Variants in MARK2 observed in about 807,000 individuals in gnomAD.
MARK2 encodes the protein serine/threonine-protein kinase MARK2.
Under a neutral mutation model 89.8 loss-of-function variants are expected in MARK2, and 16 were observed. That is an observed-to-expected ratio of 0.18 (90% CI 0.12 to 0.27). MARK2 has a LOEUF of 0.27. Ranked by LOEUF, MARK2 falls within the 10% of genes least tolerant of loss-of-function variation. The pLI is 1.00. For missense variants in MARK2, 621 were observed against 1,049.9 expected (o/e 0.59, Z 5.65); for synonymous variants, 382 against 399.5 (o/e 0.96, Z 0.52).
chr11:63,859,349 C>T (rs181597344), intron 1 of MARK2, among the ~76,000 whole-genome samples: 428 of 151,112 alleles, frequency 2.8e-3, no homozygotes, highest in African/African-American at 9.9e-3. Flanking sequence ...AGAAGGAGTC[C>T]TGCTCTGTCA....
intron 1 of MARK2, among the ~76,000 whole-genome samples, chr11:63,854,123 T>G (rs566125699): frequency 8.6e-5 from 13 of 152,014 alleles, no homozygotes; most frequent in African/African-American, 2.9e-4. Flanking sequence ...TCCACCTGCC[T>G]CGGCCTCCCA....
chr11:63,902,114 G>A lies in MARK2; in HGVS notation c.1102-84G>A, dbSNP rs1028814794. 3 of 1,477,192 alleles carry A rather than the reference G, an allele frequency of 2.0e-6. No homozygotes were observed. Among genetic ancestry groups the A allele is most frequent in the Non-Finnish European group, 2.8e-6 (3 of 1,073,054 alleles). The allele number at this position is 1,477,192 out of a possible 1,614,324, so 91.5% of individuals were successfully genotyped here. On this transcript the variant is annotated intron_variant, in intron 11 of 18. Transcript: ENST00000402010. The surrounding 1 kb of genome is among the most constrained non-coding windows in gnomAD (Gnocchi z 4.2). Reference sequence around the variant, plus strand: ...CCTGGGGTGTTTGAGTGTTGGGAGAGGGCGGTATGTGTAAATGTGTCCATC... The same window carrying A: ...CCTGGGGTGTTTGAGTGTTGGGAGAAGGCGGTATGTGTAAATGTGTCCATC...
At chr11:63,857,609 C>G (rs901414008) in intron 1 of MARK2, among the ~76,000 whole-genome samples, 57 of 152,128 alleles carry the variant, frequency 3.7e-4, no homozygotes, top group African/African-American at 1.4e-3. Flanking sequence ...TTTATGTTTA[C>G]ATGTAATGAG....
At chr11:63,893,401 A>G (rs1279424073) in intron 1 of MARK2, among the ~76,000 whole-genome samples, 2 of 29,260 alleles carry the variant, frequency 6.8e-5, no homozygotes. Flanking sequence ...TTTACTGCCA[A>G]CCAATATTCC....
At chr11:63,897,958 C>T (rs1940553556) in intron 3 of MARK2, among the ~76,000 whole-genome samples, 1 of 152,196 alleles carries the variant, frequency 6.6e-6, no homozygotes, top group Non-Finnish European at 1.5e-5. Context: ...AACCTGCCTG[C>T]TGTTTTGGGG....
intron 1 of MARK2, among the ~76,000 whole-genome samples, chr11:63,851,446 CAG>C (rs1051630262): frequency 5.9e-5 from 9 of 152,130 alleles, no homozygotes; most frequent in African/African-American, 1.9e-4. Flanking sequence ...AATAACTCAT[CAG>C]GGGCTATTTC....
chr11:63,863,741 G>C lies in MARK2; in HGVS notation c.54+24181G>C, dbSNP rs1403172370. ...TGCCTCCCAAAGTGCTGGGATTACA[G>C]GTGTGAACCACTGTGCCCCCCCGCC... On this transcript the variant is annotated intron_variant, in intron 1 of 18. Coordinates refer to ENST00000402010, the MANE Select transcript of MARK2 (RefSeq NM_001039469.3). 2.0e-5 allele frequency among the ~76,000 whole-genome samples: 3 copies of C among 151,404 alleles called. No individual in the cohort carries two copies. In the East Asian group the frequency reaches 5.9e-4, roughly 30 times the overall value.
Position 63,904,925 on chromosome 11 carries a change from C to T in MARK2, c.1816C>T (p.Arg606Trp), listed in dbSNP as rs757230106. 7 of 1,614,218 alleles carry T rather than the reference C, an allele frequency of 4.3e-6. No homozygotes were observed. Among genetic ancestry groups the T allele is most frequent in the Admixed American group, 1.7e-5 (1 of 60,030 alleles). The change falls in exon 16 of 19, where the codon CGG (arginine) becomes TGG (tryptophan). Residue 606 changes from arginine (R) to tryptophan (W), a missense_variant. Arg to Trp is a moderately radical substitution (Grantham distance 101, BLOSUM62 -3). Around this residue, in one of 5 missense-constraint regions of MARK2, gnomAD observed 397 missense variants for 567.8 expected, o/e 0.70. Coordinates refer to ENST00000402010, the MANE Select transcript of MARK2 (RefSeq NM_001039469.3). The surrounding 1 kb of genome is among the most constrained non-coding windows in gnomAD (Gnocchi z 6.3). ...CCATGCTGGGCAGCTCCGACAGGTG[C>T]GGGACCAGCAGAATTTGCCCTACGG... ...TFHAGQLRQV[R>W]DQQNLPYGVT...
intron 16 of MARK2, 34 bp from the exon 17 acceptor site, chr11:63,906,050 CTTTT>C: frequency 7.5e-7 from 1 of 1,336,946 alleles, no homozygotes; most frequent in Non-Finnish European, 9.6e-7. Flanking sequence ...TTTTTTATTT[CTTTT>C]TTTATTTTGT....
chr11:63,901,077 C>G lies in MARK2; in HGVS notation c.1101+8C>G, dbSNP rs1038753354. The G allele has an allele frequency of 6.3e-7, 1 of 1,586,808 alleles. No individual in the cohort carries two copies. Among genetic ancestry groups the G allele is most frequent in the Admixed American group, 1.7e-5 (1 of 59,948 alleles). ...GGCTACAAGAGCTCCGAGGTGTGTG[C>G]TCCCCGCCCCATTCTCTGACCTGGC... On this transcript the variant is annotated splice_region_variant and intron_variant, in intron 11 of 18. Transcript: ENST00000402010.
At chr11:63,843,925 G>A (rs1334458754) in intron 1 of MARK2, among the ~76,000 whole-genome samples, 1 of 152,092 alleles carries the variant, frequency 6.6e-6, no homozygotes, top group Non-Finnish European at 1.5e-5. Flanking sequence ...GGATCGGCTA[G>A]CTAGCATCTC....
intron 1 of MARK2, among the ~76,000 whole-genome samples, chr11:63,863,539 A>C (rs1333511237): frequency 7.1e-6 from 1 of 140,790 alleles, no homozygotes; most frequent in African/African-American, 2.7e-5. Context: ...ATCTCAGCTC[A>C]CTGCAACCTC....
chr11:63,895,685 T>C, intron 3 of MARK2, 52 bp downstream of exon 3: 1 of 944,890 alleles, frequency 1.1e-6, no homozygotes, highest in Non-Finnish European at 1.5e-6. Context: ...TTTTTTTTTT[T>C]TGAGTCAGAG....
chr11:63,856,004 T>C (rs1261266377), intron 1 of MARK2, among the ~76,000 whole-genome samples: 2 of 152,214 alleles, frequency 1.3e-5, no homozygotes, highest in African/African-American at 4.8e-5. Context: ...AGCTGTGTAG[T>C]CCTCAATAAT....
chr11:63,876,048 C>A (rs142223969), intron 1 of MARK2, among the ~76,000 whole-genome samples: 1 of 152,296 alleles, frequency 6.6e-6, no homozygotes, highest in Non-Finnish European at 1.5e-5. Context: ...GCCCATACAT[C>A]TAGGGCGGGA....
intron 1 of MARK2, among the ~76,000 whole-genome samples, chr11:63,845,283 T>G (rs1184277664): frequency 1.3e-5 from 2 of 152,148 alleles, no homozygotes; most frequent in South Asian, 2.1e-4. Flanking sequence ...TTAGCCATGG[T>G]GGGGCCGCCA....
chr11:63,870,114 A>C (rs978041193), intron 1 of MARK2, among the ~76,000 whole-genome samples: 2 of 152,222 alleles, frequency 1.3e-5, no homozygotes, highest in Non-Finnish European at 2.9e-5. Context: ...GGCAGAAGGC[A>C]AGCTGGGAAA....
chr11:63,896,212 T>C (rs57848355), intron 3 of MARK2, among the ~76,000 whole-genome samples: 1,721 of 152,356 alleles, frequency 0.011, 40 homozygotes, highest in African/African-American at 0.038. Flanking sequence ...CCCAGCCACT[T>C]GGCCTACCTG....
At chr11:63,892,464 T>C (rs11231631) in intron 1 of MARK2, among the ~76,000 whole-genome samples, 8,162 of 152,124 alleles carry the variant, frequency 0.054, 291 homozygotes, top group South Asian at 0.21. Flanking sequence ...TAGTAGCAAG[T>C]CATTCTTTTT....
Sources: gnomAD v4.1 joint callset for allele counts (sites outside exome capture counted in the v4.1 genomes callset) on GRCh38, gnomAD v4.1.1 for gene constraint, gnomAD v4.1.1 regional missense constraint, Gnocchi (gnomAD v3.1) non-coding constraint, MANE v1.5 for transcripts, NCBI Gene and HGNC (gene_info 2026-07-23, HGNC 2026-07-21) for gene names.